DNHD1: variants seen among roughly 807,000 people sequenced by gnomAD.
DNHD1 encodes the protein dynein heavy chain domain-containing protein 1.
DNHD1 carries 383 observed loss-of-function variants against 458.1 expected under a neutral mutation model. That is an observed-to-expected ratio of 0.84 (90% CI 0.77 to 0.91). The LOEUF is 0.91. DNHD1 is among the 40% of genes least tolerant of loss of function. The probability of loss-of-function intolerance (pLI) is 0.00; values close to 1 mark genes in which losing one functional copy is unlikely to be tolerated. For missense variants in DNHD1, 5,336 were observed against 5,866.1 expected, an observed-to-expected ratio of 0.91 and a Z score of 2.95; for synonymous variants, 2,203 against 2,376.9, an observed-to-expected ratio of 0.93 and a Z score of 2.13.
chr11:6,545,759 A>G lies in DNHD1; in HGVS notation c.4820A>G (p.Tyr1607Cys), dbSNP rs753839854. ...TDFHWVRQLK[Y>C]HLGSPHIIPK... is the part of the protein sequence containing the mutation. ...TTTCACTGGGTCCGCCAACTCAAGT[A>G]TCACTTGGGTTCACCTCACATAATC... is the stretch of plus-strand genomic sequence containing the variant. Residue 1607 changes from tyrosine to cysteine, a missense_variant, in exon 21 of 43, where the codon TAT (tyrosine) becomes TGT (cysteine). Coordinates refer to ENST00000254579, the MANE Select transcript of DNHD1 (RefSeq NM_144666.3). This position sits in a 1 kb window ranked among gnomAD's most constrained non-coding sequence, Gnocchi z 4.9. 7 of 1,551,558 alleles carry G rather than the reference A, an allele frequency of 4.5e-6. No individual in the cohort carries two copies. Among genetic ancestry groups the G allele is most frequent in the African/African-American group, 2.7e-5 (2 of 73,062 alleles).
chr11:6,548,337 T>G lies in DNHD1; in HGVS notation c.7033T>G (p.Phe2345Val). 6.4e-7 allele frequency: 1 copy of G among 1,551,704 alleles called. No individual in the cohort carries two copies. The highest frequency in any genetic ancestry group is 8.7e-7 in the Non-Finnish European group (1 of 1,146,992). ...CCCTGAAGATGGAACACTGGTCCCC[T>G]TCACTGGCCAATACCTGAGCAGCCA... ...VSPEDGTLVP[F>V]TGQYLSSHIK... Residue 2345 changes from phenylalanine to valine, a missense_variant, in exon 23 of 43, where the codon TTC becomes GTC. Physicochemically the swap from Phe to Val is conservative, Grantham distance 50. Around this residue, in one of 4 missense-constraint regions of DNHD1, gnomAD observed 3,932 missense variants for 4,365.6 expected, o/e 0.90. Transcript: ENST00000254579. This position sits in a 1 kb window ranked among gnomAD's most constrained non-coding sequence, Gnocchi z 4.4.
chr11:6,512,443 T>C (rs112266715), intron 7 of DNHD1, among the ~76,000 whole-genome samples: 9,978 of 151,718 alleles, frequency 0.066, 306 homozygotes, highest in Non-Finnish European at 0.079. Context: ...AGGATGGTCT[T>C]GATCTCCTGA....
chr11:6,571,022 G>C lies in DNHD1; in HGVS notation c.13510G>C (p.Asp4504His). 1 of 1,590,452 alleles carries C rather than the reference G, an allele frequency of 6.3e-7. No homozygotes were observed. The highest frequency in any genetic ancestry group is 1.1e-5 in the South Asian group (1 of 88,378). ...QLVGTLQRDL[D>H]CLLQQLKGAP... ...GGTGGGCACGCTACAACGCGACCTT[G>C]ATTGCCTGTTGCAGCAGCTGAAGGG... The change falls in exon 42 of 43, where the codon GAT (aspartate) becomes CAT (histidine). Residue 4504 changes from aspartate to histidine, a missense_variant. Asp to His is a moderately conservative substitution (Grantham distance 81, BLOSUM62 -1). Around this residue, in one of 4 missense-constraint regions of DNHD1, gnomAD observed 698 missense variants for 664.9 expected, o/e 1.05. Transcript: ENST00000254579. The surrounding 1 kb of genome is among the most constrained non-coding windows in gnomAD (Gnocchi z 5.0).
intron 24 of DNHD1, 87 bp downstream of exon 24, chr11:6,549,020 A>G (rs1853280337): frequency 7.2e-7 from 1 of 1,379,996 alleles, no homozygotes; most frequent in Non-Finnish European, 9.9e-7. Flanking sequence ...ACTCTCAAAT[A>G]TATGTCTGTA....
intron 10 of DNHD1, among the ~76,000 whole-genome samples, chr11:6,527,904 C>T (rs1251211860): frequency 3.3e-5 from 5 of 152,226 alleles, no homozygotes; most frequent in Non-Finnish European, 2.9e-5. Context: ...TTCTCTAAGA[C>T]AGATAACTGA....
intron 17 of DNHD1, 108 bp from the exon 18 acceptor site, chr11:6,539,768 G>C: frequency 2.0e-6 from 2 of 1,019,612 alleles, no homozygotes; most frequent in Non-Finnish European, 2.9e-6. Flanking sequence ...CCACTTTCCT[G>C]AGCCCTGGCC....
rs1247725030 is a variant in DNHD1, at chr11:6,546,642, C to T, written c.5703C>T (p.Arg1901=). 1 of 1,551,408 alleles carries T rather than the reference C, an allele frequency of 6.4e-7. No individual in the cohort carries two copies. The highest frequency in any genetic ancestry group is 1.4e-5 in the African/African-American group (1 of 73,066). The change falls in exon 21 of 43, where the codon CGC becomes CGT. Residue 1901 remains arginine, a synonymous_variant. Transcript: ENST00000254579. ...TKEEPKCQKP[R]SLAAIEEAAL... ...AGGAACCGAAGTGCCAGAAGCCTCG[C>T]AGCCTAGCTGCCATTGAGGAGGCTG...
chr11:6,528,722 G>T lies in DNHD1; in HGVS notation c.2038G>T (p.Glu680Ter). Reference protein sequence around the residue: ...QYFPHNYKQLEEDLDNNPKIQ... With the variant: ...QYFPHNYKQL ...CTTCCCCCACAATTATAAGCAGCTGGAGGAAGACCTGGACAACAACCCTAA... is the reference window on the plus strand; with the variant it reads ...CTTCCCCCACAATTATAAGCAGCTGTAGGAAGACCTGGACAACAACCCTAA... Residue 680 changes from glutamate to a stop codon, truncating the protein, a stop_gained, in exon 11 of 43, where the codon GAG becomes TAG. Coordinates refer to ENST00000254579, the MANE Select transcript of DNHD1 (RefSeq NM_144666.3). LOFTEE classifies it high-confidence loss of function. 6.4e-7 allele frequency: 1 copy of T among 1,551,756 alleles called. No homozygotes were observed. The highest frequency in any genetic ancestry group is 8.7e-7 in the Non-Finnish European group (1 of 1,146,994).
intron 19 of DNHD1, 62 bp downstream of exon 19, chr11:6,544,308 T>C: frequency 6.5e-7 from 1 of 1,541,422 alleles, no homozygotes; most frequent in South Asian, 1.2e-5. Context: ...CCCAGAGGGA[T>C]GGGGGTGAGA....
chr11:6,559,415 G>C, intron 28 of DNHD1, 132 bp downstream of exon 28: 6 of 749,808 alleles, frequency 8.0e-6, no homozygotes, highest in Non-Finnish European at 1.3e-5. Context: ...AAATCTCTCT[G>C]ATCTCCGCTG....
intron 28 of DNHD1, 80 bp downstream of exon 28, chr11:6,559,363 G>A (rs1853537094): frequency 8.3e-7 from 1 of 1,202,034 alleles, no homozygotes; most frequent in Non-Finnish European, 1.2e-6. Flanking sequence ...CAACCAGAAT[G>A]AACCTTAATT....
Position 6,545,911 on chromosome 11 carries a change from C to A in DNHD1, c.4972C>A (p.Leu1658Ile). Reference protein sequence around the residue: ...LYNYEYLGPRLGPLPSLLPER... With the variant: ...LYNYEYLGPRIGPLPSLLPER... The stretch of plus-strand genomic sequence containing the variant: ...CAATTACGAGTATCTGGGACCTAGA[C>A]TAGGGCCTCTACCCAGCCTACTGCC... The change falls in exon 21 of 43, where the codon CTA (leucine) becomes ATA (isoleucine). Residue 1658 changes from leucine (L) to isoleucine (I), a missense_variant. Physicochemically the swap from Leu to Ile is conservative, Grantham distance 5. This residue lies in a region of DNHD1 where 3,932 missense variants were observed against 4,365.6 expected (regional missense o/e 0.90). Coordinates refer to ENST00000254579, the MANE Select transcript of DNHD1 (RefSeq NM_144666.3). The surrounding 1 kb of genome is among the most constrained non-coding windows in gnomAD (Gnocchi z 4.9). The A allele has an allele frequency of 6.4e-7, 1 of 1,551,812 alleles. No individual in the cohort carries two copies. The highest frequency in any genetic ancestry group is 8.7e-7 in the Non-Finnish European group (1 of 1,147,024).
In DNHD1 at chr11:6,545,377, G is replaced by A. The variant is rs1344029154; in HGVS notation, c.4438G>A (p.Ala1480Thr). Reference protein sequence around the residue: ...RLARGPSLGEALKQLPKQNKL... With the variant: ...RLARGPSLGETLKQLPKQNKL... ...TGCTCGAGGCCCATCTCTAGGTGAG[G>A]CCCTCAAGCAACTGCCCAAGCAAAA... The change falls in exon 21 of 43, where the codon GCC (alanine) becomes ACC (threonine). Residue 1480 changes from alanine (A) to threonine (T), a missense_variant. By Grantham distance (58) the Ala-to-Thr change is moderately conservative (BLOSUM62 0). Transcript: ENST00000254579. This position sits in a 1 kb window ranked among gnomAD's most constrained non-coding sequence, Gnocchi z 4.9. 6.4e-7 allele frequency: 1 copy of A among 1,551,774 alleles called. No individual in the cohort carries two copies. The highest frequency in any genetic ancestry group is 8.7e-7 in the Non-Finnish European group (1 of 1,147,014).
At chr11:6,560,219 A>G (rs1853557942) in intron 28 of DNHD1, among the ~76,000 whole-genome samples, 1 of 152,216 alleles carries the variant, frequency 6.6e-6, no homozygotes, top group African/African-American at 2.4e-5. Context: ...TCACACTCAG[A>G]TAATCTTTCT....
intron 7 of DNHD1, among the ~76,000 whole-genome samples, 166 bp downstream of exon 7, chr11:6,511,595 G>A (rs980402653): frequency 3.9e-5 from 6 of 152,172 alleles, no homozygotes; most frequent in Admixed American, 3.3e-4. Flanking sequence ...GCTCTAGGAT[G>A]GATGAATCAA....
Position 6,570,827 on chromosome 11 carries a change from C to T in DNHD1, c.13315C>T (p.Leu4439=), listed in dbSNP as rs759539489. 1 of 1,613,920 alleles carries T rather than the reference C, an allele frequency of 6.2e-7. No homozygotes were observed. The highest frequency in any genetic ancestry group is 8.5e-7 in the Non-Finnish European group (1 of 1,179,900). Residue 4439 remains leucine, a synonymous_variant, in exon 42 of 43, where the codon CTG becomes TTG. Transcript: ENST00000254579. ...RRGAQLAERR[L]RQRLVQVNRR... ...AGGCGCCCAGCTTGCGGAAAGGCGA[C>T]TGCGGCAACGCCTAGTGCAAGTCAA...
intron 4 of DNHD1, 139 bp downstream of exon 4, chr11:6,503,065 T>G (rs1166919680): frequency 1.6e-5 from 15 of 920,294 alleles, no homozygotes; most frequent in Non-Finnish European, 2.0e-5. Flanking sequence ...CTAGTGTCCC[T>G]CTCTCTTCCC....
intron 16 of DNHD1, among the ~76,000 whole-genome samples, 156 bp downstream of exon 16, chr11:6,538,966 G>A (rs922565402): frequency 6.6e-6 from 1 of 152,114 alleles, no homozygotes; most frequent in African/African-American, 2.4e-5. Flanking sequence ...TCCTTAACTG[G>A]GACAAAAATT....
chr11:6,557,703 T>C lies in DNHD1; in HGVS notation c.8408T>C (p.Leu2803Ser), dbSNP rs1853498044. ...CCCCAGATGGACCTGATCTCACCCT[T>C]GTTGTTACCAGTGTTACTACTACAT... Reference protein sequence around the residue: ...KKPQMDLISPLLLPVLLLHPQ... With the variant: ...KKPQMDLISPSLLPVLLLHPQ... Residue 2803 changes from leucine (L) to serine (S), a missense_variant, in exon 25 of 43, where the codon TTG (leucine) becomes TCG (serine). Physicochemically the swap from Leu to Ser is moderately radical, Grantham distance 145. Coordinates refer to ENST00000254579, the MANE Select transcript of DNHD1 (RefSeq NM_144666.3). The C allele has an allele frequency of 6.4e-7, 1 of 1,551,726 alleles. No individual in the cohort carries two copies. The highest frequency in any genetic ancestry group is 1.7e-4 in the Middle Eastern group (1 of 5,992).
Sources: gnomAD v4.1 joint callset for allele counts (sites outside exome capture counted in the v4.1 genomes callset) on GRCh38, gnomAD v4.1.1 for gene constraint, gnomAD v4.1.1 regional missense constraint, Gnocchi (gnomAD v3.1) non-coding constraint, MANE v1.5 for transcripts, NCBI Gene and HGNC (gene_info 2026-07-23, HGNC 2026-07-21) for gene names.